Variants in CORO6 observed in about 807,000 individuals in gnomAD.
The protein encoded by CORO6 is coronin 6.
CORO6 carries 43 observed loss-of-function variants against 49.0 expected under a neutral mutation model. That is an observed-to-expected ratio of 0.88 (90% CI 0.69 to 1.13). The LOEUF (loss-of-function observed/expected upper bound fraction) is 1.13, where lower values mean the gene tolerates loss of function less well. Among genes scored for constraint, CORO6 ranks in the 50% most tolerant of loss-of-function variants. CORO6 has a pLI of 0.00. For missense variants in CORO6, 650 were observed against 647.0 expected (o/e 1.00, Z -0.05); for synonymous variants, 233 against 256.5 (o/e 0.91, Z 0.88).
chr17:29,617,256 A>C (rs911639725), intron 6 of CORO6: 2 of 1,535,206 alleles, frequency 1.3e-6, no homozygotes, highest in African/African-American at 2.7e-5. Flanking sequence ...TGCGCGCCGC[A>C]TGCAGTCACA....
rs761490098 is a variant in CORO6 at position 29,617,030 on chromosome 17, C to T, written c.766G>A (p.Glu256Lys). 5 of 1,613,630 alleles carry T rather than the reference C, an allele frequency of 3.1e-6. No individual in the cohort carries two copies. Among genetic ancestry groups the T allele is most frequent in the Non-Finnish European group, 4.2e-6 (5 of 1,180,010 alleles). ...LGLWDPNNFE[E>K]PVALQEMDTS... The stretch of plus-strand genomic sequence containing the variant: ...TCCATCTCCTGCAGTGCCACTGGCT[C>T]CTCGAAGTTGTTCTGCCCGAGCACA... Residue 256 changes from glutamate to lysine, a missense_variant, in exon 7 of 11, where the codon GAG (glutamate) becomes AAG (lysine). Transcript: ENST00000388767.
In CORO6 at chr17:29,622,730, C is replaced by A. The variant is rs755607659; in HGVS notation, c.-106G>T. On this transcript the variant is annotated 5_prime_UTR_variant, in exon 1 of 11. It introduces an in-frame stop codon into an upstream open reading frame of the 5' UTR. Transcript: ENST00000388767. ...GCGGGGCGCTCACGCTGCGAATCCT[C>A]TGCGGAAGGGGCCCGAGTGCGTAGG... is the stretch of plus-strand genomic sequence containing the variant. The A allele has an allele frequency of 2.3e-6, 3 of 1,311,698 alleles. No homozygotes were observed. The highest frequency in any genetic ancestry group is 1.5e-5 in the African/African-American group (1 of 65,906). 81.3% of individuals were successfully genotyped at this position (1,311,698 alleles called of 1,614,324 possible).
At position 29,616,822 on chromosome 17, in the gene CORO6, T is replaced by C; in HGVS notation, c.884A>G (p.Glu295Gly). The change falls in exon 8 of 11, where the codon GAG (glutamate) becomes GGG (glycine). Residue 295 changes from glutamate (E) to glycine (G), a missense_variant. Glu to Gly is a moderately conservative substitution (Grantham distance 98). Coordinates refer to ENST00000388767, the MANE Select transcript of CORO6 (RefSeq NM_032854.4). This position sits in a 1 kb window ranked among gnomAD's most constrained non-coding sequence, Gnocchi z 5.6. ...GKGDSSIRYF[E>G]ITDEPPFVHY... The stretch of plus-strand genomic sequence containing the variant: ...CACGAAAGGCGGCTCGTCGGTAATC[T>C]CAAAGTACCGAATGCTGCTGTCGCC... 6.2e-7 allele frequency: 1 copy of C among 1,613,572 alleles called. No individual in the cohort carries two copies. Among genetic ancestry groups the C allele is most frequent in the Non-Finnish European group, 8.5e-7 (1 of 1,179,890 alleles).
Position 29,615,711 on chromosome 17 carries a change from C to T in CORO6, c.*21G>A. 1 of 1,487,098 alleles carries T rather than the reference C, an allele frequency of 6.7e-7. No homozygotes were observed. Among genetic ancestry groups the T allele is most frequent in the East Asian group, 2.5e-5 (1 of 39,794 alleles). The allele number at this position is 1,487,098 out of a possible 1,614,324, so 92.1% of individuals were successfully genotyped here. A position where few individuals can be genotyped will look rare whatever the true frequency, so the allele number is the denominator to read the frequency against. On this transcript the variant is annotated 3_prime_UTR_variant, in exon 11 of 11. Coordinates refer to ENST00000388767, the MANE Select transcript of CORO6 (RefSeq NM_032854.4). ...CCGAGCTTGTGCGCCCCGCCCCGCT[C>T]CGCCTGCCTGGCGCGCGGGGCTAGT...
chr17:29,621,499 A>T lies in CORO6; in HGVS notation c.-63-15T>A. 6.5e-7 allele frequency: 1 copy of T among 1,540,002 alleles called. No homozygotes were observed. Among genetic ancestry groups the T allele is most frequent in the Non-Finnish European group, 8.8e-7 (1 of 1,138,806 alleles). On this transcript the variant is annotated splice_polypyrimidine_tract_variant and intron_variant, in intron 1 of 10. Coordinates refer to ENST00000388767, the MANE Select transcript of CORO6 (RefSeq NM_032854.4). This position sits in a 1 kb window ranked among gnomAD's most constrained non-coding sequence, Gnocchi z 4.2. ...AGTCCTGTGAGCTGCGGGAGGGAGGAGGAGTGGAGGGGTGGCTGATGAGAA... is the reference window on the plus strand; with the variant it reads ...AGTCCTGTGAGCTGCGGGAGGGAGGTGGAGTGGAGGGGTGGCTGATGAGAA...
At position 29,615,646 on chromosome 17, in the gene CORO6, AGGC is replaced by A. The variant is rs2034820754; in HGVS notation, c.*83_*85del. The A allele has an allele frequency of 1.5e-6, 2 of 1,363,904 alleles. No individual in the cohort carries two copies. Among genetic ancestry groups the A allele is most frequent in the Non-Finnish European group, 1.9e-6 (2 of 1,040,552 alleles). 84.5% of individuals were successfully genotyped at this position (1,363,904 alleles called of 1,614,324 possible). On this transcript the variant is annotated 3_prime_UTR_variant, in exon 11 of 11. Coordinates refer to ENST00000388767, the MANE Select transcript of CORO6 (RefSeq NM_032854.4). Reference sequence around the variant, plus strand: ...TCCCGCCCCCGGGCCCAGCCCAAGAAGGCGGGGTCCGGAGTTCGGGACTAAAAG... The same window carrying A: ...TCCCGCCCCCGGGCCCAGCCCAAGAAGGGGTCCGGAGTTCGGGACTAAAAG...
intron 5 of CORO6, chr17:29,618,133 A>C: frequency 7.1e-7 from 1 of 1,409,286 alleles, no homozygotes; most frequent in Non-Finnish European, 9.2e-7. Flanking sequence ...GACAGCCCGC[A>C]GCGGGCGGGC....
intron 2 of CORO6, among the ~76,000 whole-genome samples, chr17:29,620,375 G>A (rs1034349880): frequency 1.3e-5 from 2 of 152,204 alleles, no homozygotes; most frequent in African/African-American, 4.8e-5. Context: ...CGGGGGAGAG[G>A]GTGGCTATGT....
At chr17:29,622,074 G>C (rs1250419108) in intron 1 of CORO6, 1 of 155,030 alleles carries the variant, frequency 6.5e-6, no homozygotes. Flanking sequence ...GGGGACGGGT[G>C]GCAGCACAGA....
Position 29,619,099 on chromosome 17 carries a change from A to T in CORO6, c.412T>A (p.Ser138Thr). The change falls in exon 4 of 11, where the codon TCC becomes ACC. Residue 138 changes from serine to threonine, a missense_variant. Physicochemically the swap from Ser to Thr is moderately conservative, Grantham distance 58. Transcript: ENST00000388767. Reference sequence around the variant, plus strand: ...ACATTCCTGGCAGTAGGGTGCCAGGAGAGGATGCCCACACGCTTGGAGTGG... The same window carrying T: ...ACATTCCTGGCAGTAGGGTGCCAGGTGAGGATGCCCACACGCTTGGAGTGG... The part of the protein sequence containing the change: ...EGHSKRVGIL[S>T]WHPTARNVLL... 1 of 1,613,704 alleles carries T rather than the reference A, an allele frequency of 6.2e-7. No homozygotes were observed. Among genetic ancestry groups the T allele is most frequent in the Non-Finnish European group, 8.5e-7 (1 of 1,179,920 alleles).
In CORO6 at chr17:29,618,302, C is replaced by T; in HGVS notation, c.633+488G>A. The T allele has an allele frequency of 3.1e-6, 4 of 1,294,284 alleles. No homozygotes were observed. In the South Asian group the frequency reaches 9.8e-5, roughly 32 times the overall value. The allele number at this position is 1,294,284 out of a possible 1,614,324, so 80.2% of individuals were successfully genotyped here. A position where few individuals can be genotyped will look rare whatever the true frequency, so the allele number is the denominator to read the frequency against. ...AGACTTGAGGCTGGCGAGGCCAGGG[C>T]CGCCGCCCTCCCAGGGCATCCGGCT... On this transcript the variant is annotated intron_variant, in intron 5 of 10. Coordinates refer to ENST00000388767, the MANE Select transcript of CORO6 (RefSeq NM_032854.4).
chr17:29,616,609 G>A lies in CORO6; in HGVS notation c.1004+93C>T, dbSNP rs2034940128. 6.6e-7 allele frequency: 1 copy of A among 1,514,216 alleles called. No individual in the cohort carries two copies. The highest frequency in any genetic ancestry group is 9.0e-7 in the Non-Finnish European group (1 of 1,108,180). 93.8% of individuals were successfully genotyped at this position (1,514,216 alleles called of 1,614,324 possible). A position where few individuals can be genotyped will look rare whatever the true frequency, so the allele number is the denominator to read the frequency against. On this transcript the variant is annotated intron_variant, in intron 8 of 10. Transcript: ENST00000388767. The surrounding 1 kb of genome is among the most constrained non-coding windows in gnomAD (Gnocchi z 5.6). Reference sequence around the variant, plus strand: ...TATCCCCCCGCCCCGCTTTTCCAAAGCACTGCATTACTGGGGAAGCCCCGT... The same window carrying A: ...TATCCCCCCGCCCCGCTTTTCCAAAACACTGCATTACTGGGGAAGCCCCGT...
rs140098516 is a variant in CORO6 at position 29,615,730 on chromosome 17, G to A, written c.*2C>T. 8,262 of 1,538,090 alleles carry A rather than the reference G, an allele frequency of 5.4e-3. 30 individuals are homozygous for A. The highest frequency in any genetic ancestry group is 9.4e-3 in the Middle Eastern group (41 of 4,370). ...CCCGCTCCGCCTGCCTGGCGCGCGGGGCTAGTCCGTGCCGTCCACCAGCTC... is the reference window on the plus strand; with the variant it reads ...CCCGCTCCGCCTGCCTGGCGCGCGGAGCTAGTCCGTGCCGTCCACCAGCTC... On this transcript the variant is annotated 3_prime_UTR_variant, in exon 11 of 11. Coordinates refer to ENST00000388767, the MANE Select transcript of CORO6 (RefSeq NM_032854.4).
rs370893604 is a variant in CORO6 at position 29,618,997 on chromosome 17, A to G, written c.452-26T>C. On this transcript the variant is annotated intron_variant, in intron 4 of 10. Transcript: ENST00000388767. Reference sequence around the variant, plus strand: ...CTGCCCAGAGTGGCCAGGCATGGTCACCTGGGTCCCACCTTTGCCACCACC... The same window carrying G: ...CTGCCCAGAGTGGCCAGGCATGGTCGCCTGGGTCCCACCTTTGCCACCACC... 4.2e-5 allele frequency: 68 copies of G among 1,612,618 alleles called. No homozygotes were observed. In the African/African-American group the frequency reaches 8.0e-4, roughly 19 times the overall value.
In CORO6 at chr17:29,615,751, A is replaced by G; in HGVS notation, c.1400T>C (p.Leu467Pro). The G allele has an allele frequency of 6.5e-7, 1 of 1,548,260 alleles. No homozygotes were observed. Among genetic ancestry groups the G allele is most frequent in the Non-Finnish European group, 8.7e-7 (1 of 1,146,998 alleles). Reference protein sequence around the residue: ...ITALENMLCELVDGTD With the variant: ...ITALENMLCEPVDGTD ...GCGGGGCTAGTCCGTGCCGTCCACC[A>G]GCTCGCACAGCATGTTCTCCAGAGC... is the stretch of plus-strand genomic sequence containing the variant. Residue 467 changes from leucine (L) to proline (P), a missense_variant, in exon 11 of 11, where the codon CTG becomes CCG. Leu to Pro is a moderately conservative substitution (Grantham distance 98). Transcript: ENST00000388767.
At position 29,622,894 on chromosome 17, in the gene CORO6, G is replaced by T; in HGVS notation, c.-270C>A. 1 of 1,252,510 alleles carries T rather than the reference G, an allele frequency of 8.0e-7. No individual in the cohort carries two copies. The allele number at this position is 1,252,510 out of a possible 1,614,324, so 77.6% of individuals were successfully genotyped here. On this transcript the variant is annotated 5_prime_UTR_variant, in exon 1 of 11. Transcript: ENST00000388767. Reference sequence around the variant, plus strand: ...CGCCGCTGCAGCCCCAGCTGCCGCTGCCATCAACCTAAGAGGGCGGGGCTA... The same window carrying T: ...CGCCGCTGCAGCCCCAGCTGCCGCTTCCATCAACCTAAGAGGGCGGGGCTA...
Position 29,617,585 on chromosome 17 carries a change from A to C in CORO6, c.668T>G (p.Met223Arg). Residue 223 changes from methionine to arginine, a missense_variant, in exon 6 of 11, where the codon ATG becomes AGG. Physicochemically the swap from Met to Arg is moderately conservative, Grantham distance 91. Transcript: ENST00000388767. ...RFAAHEGMRP[M>R]RAVFTRQGHI... ...GCCCTGGCGCGTGAAGACGGCCCGC[A>C]TGGGCCTCATCCCCTCGTGGGCCGC... 6.2e-7 allele frequency: 1 copy of C among 1,605,852 alleles called. No individual in the cohort carries two copies. Among genetic ancestry groups the C allele is most frequent in the Non-Finnish European group, 8.5e-7 (1 of 1,177,486 alleles).
rs539614410 is a variant in CORO6, at chr17:29,615,980, G to C, written c.1258C>G (p.Arg420Gly). The C allele has an allele frequency of 6.3e-7, 1 of 1,580,864 alleles. No individual in the cohort carries two copies. The highest frequency in any genetic ancestry group is 1.3e-5 in the African/African-American group (1 of 74,634). Residue 420 changes from arginine (R) to glycine (G), a missense_variant, in exon 10 of 11, where the codon CGC (arginine) becomes GGC (glycine). Coordinates refer to ENST00000388767, the MANE Select transcript of CORO6 (RefSeq NM_032854.4). ...ILDVRPPSGP[R>G]RSQSASDAPL... Reference sequence around the variant, plus strand: ...GCGTCGCTGGCCGACTGGCTGCGGCGGGGGCCGGAGGGCGGGCGCACGTCC... The same window carrying C: ...GCGTCGCTGGCCGACTGGCTGCGGCCGGGGCCGGAGGGCGGGCGCACGTCC...
intron 3 of CORO6, 61 bp downstream of exon 3, chr17:29,619,590 G>T: frequency 1.3e-6 from 2 of 1,561,494 alleles, no homozygotes; most frequent in Non-Finnish European, 8.8e-7. Flanking sequence ...CCCCAGCACA[G>T]GTGAGGCAGC....
Sources: allele counts gnomAD v4.1 joint callset (sites outside exome capture counted in the v4.1 genomes callset), GRCh38; gene constraint gnomAD v4.1.1; non-coding constraint Gnocchi (gnomAD v3.1); transcripts MANE v1.5; gene names NCBI Gene and HGNC (gene_info 2026-07-23, HGNC 2026-07-21).